Variants in AFAP1L2 observed in about 807,000 individuals in gnomAD.
AFAP1L2 encodes the protein actin filament-associated protein 1-like 2.
In AFAP1L2, 46 loss-of-function variants were observed where a neutral mutation model predicts 99.3. The ratio of observed to expected loss-of-function variants is 0.46; its 90% CI spans 0.37 to 0.59. AFAP1L2 has a LOEUF of 0.59. Among genes scored for constraint, AFAP1L2 ranks in the 20% least tolerant of loss-of-function variants. AFAP1L2 has a pLI of 0.00. For missense variants in AFAP1L2, 959 were observed against 1,034.9 expected, an observed-to-expected ratio of 0.93 and a Z score of 1.01; for synonymous variants, 397 against 419.1, an observed-to-expected ratio of 0.95 and a Z score of 0.64.
intron 11 of AFAP1L2, among the ~76,000 whole-genome samples, chr10:114,303,570 G>A (rs1359694230): frequency 1.3e-5 from 2 of 152,246 alleles, no homozygotes; most frequent in African/African-American, 2.4e-5. Flanking sequence ...GCCTCCCAAA[G>A]TGCTGGGGTT....
chr10:114,282,075 T>C, the AFAP1L2 span, among the ~76,000 whole-genome samples: 12 of 148,632 alleles, frequency 8.1e-5, no homozygotes, highest in South Asian at 4.3e-4. Context: ...AGTTGTGCAA[T>C]CTCGGCTCAC....
At position 114,392,770 on chromosome 10, in the gene AFAP1L2, C is replaced by T. The variant is rs116313034; in HGVS notation, c.16+11670G>A. On this transcript the variant is annotated intron_variant, in intron 1 of 18. Transcript: ENST00000304129. ...TTTCCAAACAGAGAAGAAATCTATA[C>T]GCACAGACACATGGCAGCCAAGCCT... is the stretch of plus-strand genomic sequence containing the variant. Among the ~76,000 whole-genome samples, 835 of 152,240 alleles carry T rather than the reference C, an allele frequency of 5.5e-3. 9 individuals are homozygous for T. The highest frequency in any genetic ancestry group is 0.019 in the African/African-American group (786 of 41,550).
intron 1 of AFAP1L2, among the ~76,000 whole-genome samples, chr10:114,402,207 T>G (rs1392706546): frequency 6.6e-6 from 1 of 152,250 alleles, no homozygotes; most frequent in Non-Finnish European, 1.5e-5. Flanking sequence ...CCCCAGTCTC[T>G]GAAAAGCAAG....
At chr10:114,289,998 A>T (rs1313637692), downstream of AFAP1L2, 3 of 361,818 alleles carry the variant, frequency 8.3e-6, no homozygotes, top group East Asian at 1.5e-4. Flanking sequence ...GCCTCAAAAA[A>T]AAAAAAAAAA....
At position 114,294,916 on chromosome 10, in the gene AFAP1L2, T is replaced by TAAA; in HGVS notation, c.*1123_*1125dup. On this transcript the variant is annotated 3_prime_UTR_variant, in exon 19 of 19. Coordinates refer to ENST00000304129, the MANE Select transcript of AFAP1L2 (RefSeq NM_001001936.3). ...ATGTTTATGAGAGAGGAAATAAGAA[T>TAAA]AAAAAAGACATTTAGTTCTCAGGAA... is the stretch of plus-strand genomic sequence containing the variant. 1 of 973,380 alleles carries TAAA rather than the reference T, an allele frequency of 1.0e-6. No homozygotes were observed. Among genetic ancestry groups the TAAA allele is most frequent in the East Asian group, 1.2e-4 (1 of 8,352 alleles). 60.3% of individuals were successfully genotyped at this position (973,380 alleles called of 1,614,324 possible). A position where few individuals can be genotyped will look rare whatever the true frequency, so the allele number is the denominator to read the frequency against.
At chr10:114,398,778 C>A (rs2057968851) in intron 1 of AFAP1L2, 3 of 1,271,636 alleles carry the variant, frequency 2.4e-6, no homozygotes, top group African/African-American at 1.5e-5. Flanking sequence ...ATGGGCAGAG[C>A]CAGGTCTGCA....
chr10:114,300,387 C>T (rs2040930709), intron 14 of AFAP1L2, 25 bp from the exon 15 acceptor site: 1 of 1,613,822 alleles, frequency 6.2e-7, no homozygotes, highest in Non-Finnish European at 8.5e-7. Context: ...AGACCTGACT[C>T]AGCTGGCTGA....
chr10:114,313,814 A>G, intron 7 of AFAP1L2, 57 bp downstream of exon 7: 1 of 1,514,940 alleles, frequency 6.6e-7, no homozygotes, highest in Non-Finnish European at 8.9e-7. Flanking sequence ...ATCCCTTTAG[A>G]AAAGCTGGGG....
rs2043038223 is a variant in AFAP1L2, at chr10:114,310,343, C to T, written c.882+11G>A. The T allele has an allele frequency of 2.5e-6, 4 of 1,610,876 alleles. No homozygotes were observed. The highest frequency in any genetic ancestry group is 3.4e-6 in the Non-Finnish European group (4 of 1,178,796). ...AAGGGGACTCTCCCTCCAGGCAGGG[C>T]AGAGGCTTACTTTCTGGCAGTTAAA... On this transcript the variant is annotated intron_variant, in intron 8 of 18. Coordinates refer to ENST00000304129, the MANE Select transcript of AFAP1L2 (RefSeq NM_001001936.3).
chr10:114,323,967 C>T (rs926670383), intron 4 of AFAP1L2, among the ~76,000 whole-genome samples: 8 of 152,072 alleles, frequency 5.3e-5, no homozygotes, highest in African/African-American at 1.2e-4. Context: ...ATCTTTGCGC[C>T]GAGCCTCAAA....
Position 114,300,434 on chromosome 10 carries a change from G to A in AFAP1L2, c.1788+11C>T. The A allele has an allele frequency of 6.8e-7, 1 of 1,474,792 alleles. No individual in the cohort carries two copies. The highest frequency in any genetic ancestry group is 2.5e-5 in the East Asian group (1 of 39,784). The allele number at this position is 1,474,792 out of a possible 1,614,324, so 91.4% of individuals were successfully genotyped here. A position where few individuals can be genotyped will look rare whatever the true frequency, so the allele number is the denominator to read the frequency against. On this transcript the variant is annotated intron_variant, in intron 14 of 18. Coordinates refer to ENST00000304129, the MANE Select transcript of AFAP1L2 (RefSeq NM_001001936.3). ...AAGGTGGTCTTGCTGTCCTGCAGGG[G>A]AGGCCTGTACCTGTTCTCCCAGGTT...
At chr10:114,335,175 G>T (rs73365397) in intron 2 of AFAP1L2, among the ~76,000 whole-genome samples, 2,243 of 152,234 alleles carry the variant, frequency 0.015, 65 homozygotes, top group African/African-American at 0.052. Flanking sequence ...GATGATTTTG[G>T]AGGATACATT....
chr10:114,370,885 C>A (rs2136987187), intron 1 of AFAP1L2, among the ~76,000 whole-genome samples: 1 of 152,286 alleles, frequency 6.6e-6, no homozygotes, highest in South Asian at 2.1e-4. Context: ...TATTTTTCCC[C>A]ACTTTTCCAT....
chr10:114,333,407 G>A, intron 2 of AFAP1L2, 112 bp from the exon 3 acceptor site: 1 of 768,700 alleles, frequency 1.3e-6, no homozygotes, highest in Non-Finnish European at 2.2e-6. Flanking sequence ...TCCAGTAAAA[G>A]CACACAGCAT....
At chr10:114,332,507 C>T (rs140251530) in intron 3 of AFAP1L2, among the ~76,000 whole-genome samples, 198 of 152,366 alleles carry the variant, frequency 1.3e-3, no homozygotes, top group African/African-American at 4.1e-3. Flanking sequence ...GTCTCAAAGA[C>T]AAGCCTTCAA....
At chr10:114,294,817 G>A, downstream of AFAP1L2, 3 of 982,544 alleles carry the variant, frequency 3.1e-6, no homozygotes, top group Non-Finnish European at 3.6e-6. Flanking sequence ...CATGAACTGA[G>A]GAAAACTTCA....
the AFAP1L2 span, among the ~76,000 whole-genome samples, chr10:114,284,617 C>T: frequency 2.0e-5 from 3 of 152,334 alleles, no homozygotes; most frequent in East Asian, 5.8e-4. Flanking sequence ...AGTCTAACAC[C>T]AGTTCATCAC....
intron 5 of AFAP1L2, among the ~76,000 whole-genome samples, 171 bp from the exon 6 acceptor site, chr10:114,315,936 C>G (rs2044064003): frequency 6.6e-6 from 1 of 152,230 alleles, no homozygotes; most frequent in African/African-American, 2.4e-5. Context: ...GGCTGGCTTT[C>G]CTGCCCCCAA....
chr10:114,362,234 CCACTG>C (rs2052538320), intron 1 of AFAP1L2, among the ~76,000 whole-genome samples: 1 of 152,090 alleles, frequency 6.6e-6, no homozygotes, highest in African/African-American at 2.4e-5. Flanking sequence ...TTATTACTAC[CCACTG>C]CAGTGGGTTG....
Sources: gnomAD v4.1 joint callset for allele counts (sites outside exome capture counted in the v4.1 genomes callset) on GRCh38, gnomAD v4.1.1 for gene constraint, MANE v1.5 for transcripts, NCBI Gene and HGNC (gene_info 2026-07-23, HGNC 2026-07-21) for gene names.